DPYSL3: variants seen among roughly 807,000 people sequenced by gnomAD.
The protein encoded by DPYSL3 is dihydropyrimidinase like 3, also known as dihydropyrimidinase-related protein 3.
A neutral mutation model predicts 66.1 loss-of-function variants in DPYSL3; 16 were observed. That is an observed-to-expected ratio of 0.24 (90% CI 0.16 to 0.37). DPYSL3 has a LOEUF of 0.37. DPYSL3 is among the 10% of genes least tolerant of loss of function. The pLI is 1.00. For synonymous variants in DPYSL3, 338 were observed against 345.1 expected (o/e 0.98, Z 0.23); for missense variants, 738 against 916.2 (o/e 0.81, Z 2.51).
In DPYSL3 at chr5:147,509,416, T is replaced by C. The variant is rs1197573270; in HGVS notation, c.381+62A>G. On this transcript the variant is annotated intron_variant, in intron 1 of 13. Coordinates refer to ENST00000343218, the MANE Select transcript of DPYSL3 (RefSeq NM_001197294.2). This position sits in a 1 kb window ranked among gnomAD's most constrained non-coding sequence, Gnocchi z 5.3. ...GCTGGAGAAAGTTGTGCCCGGGCCA[T>C]GGCGGCCAGGGCTGGAGAAAGGAAC... 4.8e-6 allele frequency: 7 copies of C among 1,445,298 alleles called. No individual in the cohort carries two copies. The Middle Eastern group carries it at 7.7e-4, about 158-fold the overall frequency. 89.5% of individuals were successfully genotyped at this position (1,445,298 alleles called of 1,614,324 possible). A position where few individuals can be genotyped will look rare whatever the true frequency, so the allele number is the denominator to read the frequency against.
rs369477048 is a variant in DPYSL3 at position 147,418,549 on chromosome 5, C to T, written c.553G>A (p.Asp185Asn). ...NGKMVIPGGI[D>N]VHTHFQMPYK... Reference sequence around the variant, plus strand: ...GGCATCTGGAAGTGAGTATGGACATCGATGCCTCCAGGGATCACCATCTTC... The same window carrying T: ...GGCATCTGGAAGTGAGTATGGACATTGATGCCTCCAGGGATCACCATCTTC... Residue 185 changes from aspartate (D) to asparagine (N), a missense_variant, in exon 3 of 14, where the codon GAT becomes AAT. Coordinates refer to ENST00000343218, the MANE Select transcript of DPYSL3 (RefSeq NM_001197294.2). The T allele has an allele frequency of 2.5e-6, 4 of 1,612,898 alleles. No individual in the cohort carries two copies. The highest frequency in any genetic ancestry group is 3.4e-6 in the Non-Finnish European group (4 of 1,179,480).
chr5:147,448,489 T>G (rs1187661024), intron 1 of DPYSL3, among the ~76,000 whole-genome samples: 1 of 152,232 alleles, frequency 6.6e-6, no homozygotes, highest in Non-Finnish European at 1.5e-5. Flanking sequence ...AGTAGTCTCT[T>G]TCTAAACCAG....
At chr5:147,484,587 T>A (rs1290031337) in intron 1 of DPYSL3, among the ~76,000 whole-genome samples, 1 of 149,664 alleles carries the variant, frequency 6.7e-6, no homozygotes. Flanking sequence ...GAAAGGTTAT[T>A]TCTCAAATTC....
rs866340270 is a variant in DPYSL3 at position 147,429,146 on chromosome 5, C to T, written c.382-4183G>A. On this transcript the variant is annotated intron_variant, in intron 1 of 13. Coordinates refer to ENST00000343218, the MANE Select transcript of DPYSL3 (RefSeq NM_001197294.2). Reference sequence around the variant, plus strand: ...GTATATATATAAAGAATGATGATACCACTAGGGCATGCTGTGGTAATCTGA... The same window carrying T: ...GTATATATATAAAGAATGATGATACTACTAGGGCATGCTGTGGTAATCTGA... 4.6e-5 allele frequency among the ~76,000 whole-genome samples: 7 copies of T among 152,102 alleles called. No homozygotes were observed. The South Asian group carries it at 1.0e-3, about 23-fold the overall frequency.
At chr5:147,493,611 A>G (rs1240726897) in intron 1 of DPYSL3, among the ~76,000 whole-genome samples, 1 of 152,060 alleles carries the variant, frequency 6.6e-6, no homozygotes, top group Non-Finnish European at 1.5e-5. Flanking sequence ...AGAAATAAAG[A>G]AAGAAGGAAA....
At chr5:147,494,479 C>T (rs186487819) in intron 1 of DPYSL3, among the ~76,000 whole-genome samples, 33 of 151,658 alleles carry the variant, frequency 2.2e-4, no homozygotes, top group Admixed American at 2.1e-3. Flanking sequence ...ATGTCTCTAG[C>T]CAGGCTAACA....
At chr5:147,453,846 T>G (rs1752795015) in intron 1 of DPYSL3, 2 of 966,974 alleles carry the variant, frequency 2.1e-6, no homozygotes, top group Non-Finnish European at 2.7e-6. Flanking sequence ...GCCCGGGTTT[T>G]GTTTTTTTTT....
intron 1 of DPYSL3, among the ~76,000 whole-genome samples, chr5:147,444,003 C>A (rs1752584182): frequency 6.6e-6 from 1 of 152,110 alleles, no homozygotes; most frequent in African/African-American, 2.4e-5. Flanking sequence ...CCATGTCCCC[C>A]ATAACCTACA....
At chr5:147,436,890 G>A (rs1418019508) in intron 1 of DPYSL3, among the ~76,000 whole-genome samples, 3 of 152,176 alleles carry the variant, frequency 2.0e-5, no homozygotes, top group Non-Finnish European at 4.4e-5. Context: ...CAAAATTGAA[G>A]TGTAAGACTA....
chr5:147,431,703 A>G (rs1240269606), intron 1 of DPYSL3, among the ~76,000 whole-genome samples: 2 of 152,172 alleles, frequency 1.3e-5, no homozygotes, highest in Non-Finnish European at 2.9e-5. Flanking sequence ...GCTAAGCCTC[A>G]GCAACTGTTC....
intron 1 of DPYSL3, among the ~76,000 whole-genome samples, chr5:147,452,957 T>G (rs1445015739): frequency 2.0e-5 from 3 of 146,646 alleles, no homozygotes; most frequent in African/African-American, 7.5e-5. Flanking sequence ...TGCAGCCACG[T>G]TAGCTGTCCA....
chr5:147,421,620 T>A (rs1378402257), intron 2 of DPYSL3, among the ~76,000 whole-genome samples: 1 of 151,966 alleles, frequency 6.6e-6, no homozygotes, highest in Admixed American at 6.6e-5. Context: ...CACTATAATT[T>A]CACAGTAACC....
At chr5:147,453,500 C>A in intron 1 of DPYSL3, 2 of 1,508,284 alleles carry the variant, frequency 1.3e-6, no homozygotes, top group Non-Finnish European at 1.8e-6. Flanking sequence ...CGCAGCGCAG[C>A]GGACAGGGAG....
chr5:147,422,803 A>G (rs1752108507), intron 2 of DPYSL3, among the ~76,000 whole-genome samples: 1 of 151,960 alleles, frequency 6.6e-6, no homozygotes, highest in Non-Finnish European at 1.5e-5. Context: ...GACTTGAACA[A>G]TGAGAACATA....
chr5:147,394,169 G>A, intron 13 of DPYSL3, 46 bp from the exon 14 acceptor site: 1 of 1,591,992 alleles, frequency 6.3e-7, no homozygotes, highest in Non-Finnish European at 8.6e-7. Context: ...AAACAGAGTG[G>A]CGGGTAGGGG....
chr5:147,453,574 CCT>C, intron 1 of DPYSL3: 1 of 1,540,214 alleles, frequency 6.5e-7, no homozygotes, highest in Non-Finnish European at 8.8e-7. Context: ...GTTCTTCTTG[CCT>C]TGGTAGGACA....
At chr5:147,466,291 G>T (rs1012986633) in intron 1 of DPYSL3, among the ~76,000 whole-genome samples, 1 of 152,176 alleles carries the variant, frequency 6.6e-6, no homozygotes, top group African/African-American at 2.4e-5. Flanking sequence ...GAAATTTAGA[G>T]ACTGTTGAGT....
intron 1 of DPYSL3, among the ~76,000 whole-genome samples, chr5:147,472,288 G>C (rs538378805): frequency 6.6e-6 from 1 of 152,326 alleles, no homozygotes; most frequent in South Asian, 2.1e-4. Flanking sequence ...ATCAGAAAGA[G>C]ATGGCTAAGT....
intron 5 of DPYSL3, among the ~76,000 whole-genome samples, chr5:147,413,360 G>A (rs990422753): frequency 6.6e-6 from 1 of 152,156 alleles, no homozygotes; most frequent in African/African-American, 2.4e-5. Flanking sequence ...TCCTCCTCTT[G>A]CCGTTTAAGA....
Sources: allele counts gnomAD v4.1 joint callset (sites outside exome capture counted in the v4.1 genomes callset), GRCh38; gene constraint gnomAD v4.1.1; non-coding constraint Gnocchi (gnomAD v3.1); transcripts MANE v1.5; gene names NCBI Gene and HGNC (gene_info 2026-07-23, HGNC 2026-07-21).